Variants in ZNG1F observed in about 807,000 individuals in gnomAD.
ZNG1F encodes the protein zinc-regulated GTPase metalloprotein activator 1F.
chr9:41,166,358 G>A, the ZNG1F span, among the ~76,000 whole-genome samples: 1 of 120,916 alleles, frequency 8.3e-6, no homozygotes, highest in African/African-American at 3.2e-5. Flanking sequence ...GAACCTGGGA[G>A]GCAGAGGTTG....
the ZNG1F span, among the ~76,000 whole-genome samples, chr9:41,146,246 A>G: frequency 7.4e-6 from 1 of 136,036 alleles, no homozygotes; most frequent in Non-Finnish European, 1.6e-5. Flanking sequence ...AGATCACATT[A>G]AATAGCTACT....
chr9:41,150,253 C>T, the ZNG1F span, among the ~76,000 whole-genome samples: 7 of 149,090 alleles, frequency 4.7e-5, no homozygotes, highest in Non-Finnish European at 7.4e-5. Context: ...CCGAATACTG[C>T]GCTTTTCTGA....
the ZNG1F span, among the ~76,000 whole-genome samples, chr9:41,193,250 G>T: frequency 2.2e-5 from 3 of 136,276 alleles, no homozygotes; most frequent in South Asian, 2.6e-4. Context: ...AAATATCTTA[G>T]TCTTTACAGA....
the ZNG1F span, among the ~76,000 whole-genome samples, chr9:41,198,399 TCTCCAAA>T: frequency 1.3e-5 from 2 of 151,082 alleles, no homozygotes; most frequent in South Asian, 4.2e-4. Flanking sequence ...AGAAACTCCA[TCTCCAAA>T]GGAAAAAAAA....
chr9:41,138,816 TAA>T, the ZNG1F span, among the ~76,000 whole-genome samples: 1 of 121,232 alleles, frequency 8.2e-6, no homozygotes, highest in East Asian at 2.3e-4. Context: ...CATTATTTCC[TAA>T]AGTTTTGATT....
the ZNG1F span, among the ~76,000 whole-genome samples, chr9:41,186,946 TG>T: frequency 1.5e-5 from 2 of 129,368 alleles, no homozygotes; most frequent in Non-Finnish European, 3.3e-5. Context: ...CACAAAAATA[TG>T]AAGTATAGTA....
chr9:41,164,955 G>A, the ZNG1F span: 1 of 1,558,012 alleles, frequency 6.4e-7, no homozygotes, highest in Non-Finnish European at 8.7e-7. Flanking sequence ...AACATTCTGT[G>A]TATACAATAT....
At chr9:41,174,249 A>G in the ZNG1F span, 17 of 1,498,086 alleles carry the variant, frequency 1.1e-5, no homozygotes, top group African/African-American at 2.0e-4. Flanking sequence ...AAAAAAAAAA[A>G]AAAAAAAACA....
chr9:41,192,925 C>T, the ZNG1F span, among the ~76,000 whole-genome samples: 1 of 151,930 alleles, frequency 6.6e-6, no homozygotes, highest in Non-Finnish European at 1.5e-5. Context: ...TTTAGCTTTG[C>T]TATTTTGTCT....
the ZNG1F span, among the ~76,000 whole-genome samples, chr9:41,192,881 G>A: frequency 0.85 from 119,716 of 141,028 alleles, 49,523 homozygotes; most frequent in Non-Finnish European, 0.91. Context: ...AGAATCTATT[G>A]CAGTTTCTGA....
At chr9:41,185,701 C>A in the ZNG1F span, among the ~76,000 whole-genome samples, 1 of 150,296 alleles carries the variant, frequency 6.7e-6, no homozygotes, top group Non-Finnish European at 1.5e-5. Context: ...AAAAAATAAA[C>A]GTTTTTTCAT....
chr9:41,203,068 G>T, the ZNG1F span, among the ~76,000 whole-genome samples: 1 of 152,242 alleles, frequency 6.6e-6, no homozygotes, highest in Non-Finnish European at 1.5e-5. Flanking sequence ...TTAAATTCAG[G>T]TTATATATTT....
chr9:41,169,189 G>T, the ZNG1F span, among the ~76,000 whole-genome samples: 2 of 151,410 alleles, frequency 1.3e-5, no homozygotes, highest in African/African-American at 4.9e-5. Context: ...CATCAGCCCT[G>T]CATTTCCCTC....
the ZNG1F span, among the ~76,000 whole-genome samples, chr9:41,141,067 A>T: frequency 6.6e-6 from 1 of 150,760 alleles, no homozygotes; most frequent in Non-Finnish European, 1.5e-5. Flanking sequence ...AACAGGTTAA[A>T]TATTTTTGAC....
the ZNG1F span, among the ~76,000 whole-genome samples, chr9:41,156,165 C>T: frequency 7.7e-6 from 1 of 130,166 alleles, no homozygotes; most frequent in South Asian, 2.8e-4. Flanking sequence ...CTAAAATTAA[C>T]TATCATTTAC....
the ZNG1F span, chr9:41,131,818 G>A: frequency 5.2e-5 from 21 of 403,262 alleles, no homozygotes; most frequent in Non-Finnish European, 4.3e-6. Flanking sequence ...GCTGTTTAAG[G>A]ATATCCTTAT....
the ZNG1F span, among the ~76,000 whole-genome samples, chr9:41,198,259 G>A: frequency 7.0e-6 from 1 of 142,666 alleles, no homozygotes; most frequent in African/African-American, 2.6e-5. Context: ...AAAATCTGCC[G>A]AGTGTGATAG....
At chr9:41,199,560 CT>C in the ZNG1F span, among the ~76,000 whole-genome samples, 1 of 135,694 alleles carries the variant, frequency 7.4e-6, no homozygotes, top group Non-Finnish European at 1.6e-5. Flanking sequence ...GTGTCTGTGG[CT>C]TTTCTAGGTG....
chr9:41,203,102 T>G, the ZNG1F span, among the ~76,000 whole-genome samples: 1 of 152,258 alleles, frequency 6.6e-6, no homozygotes, highest in Non-Finnish European at 1.5e-5. Flanking sequence ...TACAAGTTGA[T>G]GTTGCATCCT....
Sources: gnomAD v4.1 joint callset for allele counts (sites outside exome capture counted in the v4.1 genomes callset) on GRCh38, gnomAD v4.1.1 for gene constraint, MANE v1.5 for transcripts, NCBI Gene and HGNC (gene_info 2026-07-23, HGNC 2026-07-21) for gene names.